Variants in EIF4E observed in about 807,000 individuals in gnomAD.
The protein encoded by EIF4E is eukaryotic translation initiation factor 4E.
For missense variants in EIF4E, 113 were observed against 265.6 expected, an observed-to-expected ratio of 0.43 and a Z score of 3.99; for synonymous variants, 71 against 88.5, an observed-to-expected ratio of 0.80 and a Z score of 1.11.
chr4:98,903,343 T>C, intron 1 of EIF4E: 1 of 420,660 alleles, frequency 2.4e-6, no homozygotes, highest in Non-Finnish European at 4.6e-6. Context: ...GGTAAATATT[T>C]ATTTGAAAGA....
At chr4:98,912,793 G>T (rs970460692) in intron 1 of EIF4E, among the ~76,000 whole-genome samples, 2 of 152,122 alleles carry the variant, frequency 1.3e-5, no homozygotes, top group Admixed American at 1.3e-4. Context: ...CTATTTAAAC[G>T]TTTATACATT....
At chr4:98,901,787 T>A (rs995671326) in intron 2 of EIF4E, 89 bp downstream of exon 2, 20 of 1,192,006 alleles carry the variant, frequency 1.7e-5, no homozygotes, top group Non-Finnish European at 2.5e-5. Flanking sequence ...CTAAAACTAG[T>A]CTCATAATCT....
rs539426136 is a variant in EIF4E at position 98,912,347 on chromosome 4, C to T, written c.19-10365G>A. On this transcript the variant is annotated intron_variant, in intron 1 of 6. Transcript: ENST00000450253. ...ATCCCAACACTTTGGGAGGCCAACA[C>T]GGGTGGATCATGAGGTCAGGAAATT... Among the ~76,000 whole-genome samples the T allele has an allele frequency of 8.6e-5, 13 of 151,810 alleles. No homozygotes were observed. The South Asian group carries it at 2.3e-3, about 27-fold the overall frequency.
chr4:98,928,323 C>A (rs1198299407), intron 1 of EIF4E, among the ~76,000 whole-genome samples: 1 of 152,022 alleles, frequency 6.6e-6, no homozygotes, highest in Non-Finnish European at 1.5e-5. Context: ...CATGGAGGGG[C>A]GAGGACAATG....
At chr4:98,911,577 C>T (rs1244926668) in intron 1 of EIF4E, among the ~76,000 whole-genome samples, 3 of 143,918 alleles carry the variant, frequency 2.1e-5, no homozygotes, top group Non-Finnish European at 4.5e-5. Flanking sequence ...AGGAGAATCG[C>T]TTGAACCCGG....
intron 1 of EIF4E, among the ~76,000 whole-genome samples, chr4:98,915,918 C>A (rs1725357752): frequency 6.6e-6 from 1 of 151,706 alleles, no homozygotes; most frequent in Admixed American, 6.6e-5. Context: ...TAAAACTTTG[C>A]TTCTGCTCAT....
At chr4:98,929,039 A>G in intron 1 of EIF4E, 56 bp downstream of exon 1, 1 of 1,571,792 alleles carries the variant, frequency 6.4e-7, no homozygotes, top group Non-Finnish European at 8.6e-7. Context: ...TCCCCCAGTC[A>G]GAAGGAAGAC....
chr4:98,905,862 A>G (rs1039399083), intron 1 of EIF4E, among the ~76,000 whole-genome samples: 1 of 152,210 alleles, frequency 6.6e-6, no homozygotes. Flanking sequence ...GTAGCTTTTT[A>G]CTACATTCTG....
At chr4:98,925,268 A>C (rs1725820551) in intron 1 of EIF4E, among the ~76,000 whole-genome samples, 2 of 152,244 alleles carry the variant, frequency 1.3e-5, no homozygotes, top group South Asian at 4.1e-4. Flanking sequence ...CTTTCAGTTA[A>C]GCTAAAGAAA....
At chr4:98,926,525 A>G (rs1248883633) in intron 1 of EIF4E, 1 of 152,280 alleles carries the variant, frequency 6.6e-6, no homozygotes, top group Non-Finnish European at 1.5e-5. Flanking sequence ...CTGGGCAACA[A>G]GAGTGAAAGT....
At chr4:98,923,052 T>A (rs1231872769) in intron 1 of EIF4E, among the ~76,000 whole-genome samples, 5 of 151,938 alleles carry the variant, frequency 3.3e-5, no homozygotes, top group African/African-American at 9.7e-5. Flanking sequence ...GGTTTCTCCA[T>A]GCTGGTCAGG....
intron 1 of EIF4E, among the ~76,000 whole-genome samples, chr4:98,909,051 G>T (rs1724996738): frequency 6.6e-6 from 1 of 152,076 alleles, no homozygotes; most frequent in South Asian, 2.1e-4. Context: ...ACAGCCTCAG[G>T]CTCAACACCT....
chr4:98,927,621 C>G (rs969704337), intron 1 of EIF4E, among the ~76,000 whole-genome samples: 3 of 133,100 alleles, frequency 2.3e-5, no homozygotes, highest in Admixed American at 1.7e-4. Flanking sequence ...CGCCACTGCA[C>G]TCCAGCCTGG....
intron 1 of EIF4E, among the ~76,000 whole-genome samples, chr4:98,914,767 A>G (rs1052934438): frequency 2.0e-5 from 3 of 152,198 alleles, no homozygotes; most frequent in Non-Finnish European, 4.4e-5. Context: ...CCTAATGTAA[A>G]GTATGAACTT....
intron 3 of EIF4E, among the ~76,000 whole-genome samples, chr4:98,888,565 A>G (rs62323193): frequency 1.1e-3 from 163 of 152,322 alleles, no homozygotes; most frequent in Non-Finnish European, 2.1e-3. Flanking sequence ...TCACCTAAAT[A>G]TAAGATGGAA....
chr4:98,928,816 C>T, intron 1 of EIF4E: 3 of 1,512,626 alleles, frequency 2.0e-6, no homozygotes, highest in Non-Finnish European at 2.7e-6. Context: ...ACCCTCCACC[C>T]TGTAGACACC....
At chr4:98,920,749 T>C (rs1177340207) in intron 1 of EIF4E, among the ~76,000 whole-genome samples, 1 of 152,124 alleles carries the variant, frequency 6.6e-6, no homozygotes. Context: ...GATTTTACAA[T>C]CCACAACATG....
intron 2 of EIF4E, chr4:98,895,190 GAC>G (rs1724323117): frequency 1.3e-5 from 2 of 152,186 alleles, no homozygotes; most frequent in Admixed American, 6.5e-5. Flanking sequence ...ACCGAAATGT[GAC>G]ACAGAGACAC....
Position 98,891,340 on chromosome 4 carries a change from T to C in EIF4E, c.126-8A>G, listed in dbSNP as rs371327728. The C allele has an allele frequency of 9.2e-5, 148 of 1,609,476 alleles. No homozygotes were observed. Among genetic ancestry groups the C allele is most frequent in the Admixed American group, 3.5e-4 (21 of 59,614 alleles). ...AAAAACCAGAGTGCCCATCTAAAAA[T>C]AAAAAATCAGTGTCAAAAAATGGTA... On this transcript the variant is annotated splice_region_variant and splice_polypyrimidine_tract_variant and intron_variant, in intron 2 of 6. Transcript: ENST00000450253.
Sources: gnomAD v4.1 joint callset for allele counts (sites outside exome capture counted in the v4.1 genomes callset) on GRCh38, gnomAD v4.1.1 for gene constraint, MANE v1.5 for transcripts, NCBI Gene and HGNC (gene_info 2026-07-23, HGNC 2026-07-21) for gene names.